PLPP3: variants seen among roughly 807,000 people sequenced by gnomAD.
PLPP3 encodes the protein phospholipid phosphatase 3.
In PLPP3, 6 loss-of-function variants were observed where a neutral mutation model predicts 29.6. The ratio of observed to expected loss-of-function variants is 0.20; its 90% confidence interval spans 0.11 to 0.40. The LOEUF is 0.40. Ranked by LOEUF, PLPP3 falls within the 10% of genes least tolerant of loss-of-function variation. The pLI is 1.00. For synonymous variants in PLPP3, 152 were observed against 159.7 expected, an observed-to-expected ratio of 0.95 and a Z score of 0.36; for missense variants, 308 against 407.7, an observed-to-expected ratio of 0.76 and a Z score of 2.11.
At chr1:56,532,034 TGA>T (rs1363409970) in intron 2 of PLPP3, among the ~76,000 whole-genome samples, 1 of 152,190 alleles carries the variant, frequency 6.6e-6, no homozygotes, top group Non-Finnish European at 1.5e-5. Flanking sequence ...CAAATAGTCA[TGA>T]ATCCCTAAGA....
At chr1:56,578,815 G>C in intron 1 of PLPP3, 63 bp downstream of exon 1, 2 of 1,459,868 alleles carry the variant, frequency 1.4e-6, no homozygotes, top group Non-Finnish European at 9.0e-7. Flanking sequence ...CCCCGGACTG[G>C]GCTGGGACGC....
intron 1 of PLPP3, among the ~76,000 whole-genome samples, chr1:56,554,452 A>G (rs531652499): frequency 1.5e-3 from 231 of 151,974 alleles, no homozygotes; most frequent in Middle Eastern, 3.4e-3. Context: ...GGCACCTGTA[A>G]TCCCAGCTAC....
At position 56,555,639 on chromosome 1, in the gene PLPP3, T is replaced by C. The variant is rs146856120; in HGVS notation, c.140-18527A>G. On this transcript the variant is annotated intron_variant, in intron 1 of 5. Transcript: ENST00000371250. ...CTGTGTCCCTGAATGGAACAATTTG[T>C]GAAACATGCTTAACAAGGGCCATCA... Among the ~76,000 whole-genome samples, 431 of 152,134 alleles carry C rather than the reference T, an allele frequency of 2.8e-3. 3 individuals are homozygous for C. The highest frequency in any genetic ancestry group is 1.0e-2 in the African/African-American group (414 of 41,520).
At chr1:56,566,890 G>A (rs868468646) in intron 1 of PLPP3, among the ~76,000 whole-genome samples, 1 of 152,096 alleles carries the variant, frequency 6.6e-6, no homozygotes, top group African/African-American at 2.4e-5. Flanking sequence ...GGTAATTTTA[G>A]TTCCTAAGAT....
At chr1:56,505,324 C>T (rs1462092307) in intron 5 of PLPP3, among the ~76,000 whole-genome samples, 4 of 152,248 alleles carry the variant, frequency 2.6e-5, no homozygotes, top group Non-Finnish European at 5.9e-5. Context: ...GGTGAAGTGA[C>T]TTGCCCTGAC....
chr1:56,561,091 C>A (rs1369915648), intron 1 of PLPP3, among the ~76,000 whole-genome samples: 1 of 151,664 alleles, frequency 6.6e-6, no homozygotes, highest in East Asian at 1.9e-4. Flanking sequence ...TTGTGATCCG[C>A]CCGCCTCAGC....
At chr1:56,572,433 C>T (rs946300479) in intron 1 of PLPP3, among the ~76,000 whole-genome samples, 1 of 152,134 alleles carries the variant, frequency 6.6e-6, no homozygotes, top group Non-Finnish European at 1.5e-5. Context: ...AAACAGACCA[C>T]GTGTCTAAAT....
chr1:56,572,768 T>C (rs1646208194), intron 1 of PLPP3, among the ~76,000 whole-genome samples: 1 of 152,206 alleles, frequency 6.6e-6, no homozygotes, highest in Admixed American at 6.5e-5. Context: ...TTCGACTCTA[T>C]GAAGAACAAC....
At chr1:56,512,332 C>T in intron 4 of PLPP3, 180 bp from the exon 5 acceptor site, 1 of 588,564 alleles carries the variant, frequency 1.7e-6, no homozygotes, top group East Asian at 3.4e-5. Context: ...CTGAGCCTGG[C>T]TAGGCACGGT....
intron 2 of PLPP3, among the ~76,000 whole-genome samples, chr1:56,528,121 C>T (rs935925894): frequency 9.2e-5 from 14 of 152,172 alleles, no homozygotes; most frequent in Non-Finnish European, 1.5e-5. Flanking sequence ...GCAACAGATT[C>T]TGGGGGTGAT....
At chr1:56,522,822 G>C (rs752072700) in intron 4 of PLPP3, among the ~76,000 whole-genome samples, 7 of 152,176 alleles carry the variant, frequency 4.6e-5, no homozygotes, top group African/African-American at 7.2e-5. Context: ...TTCTCGCTCT[G>C]AATTCTATCA....
At chr1:56,520,077 CATTGTG>C (rs1424065452) in intron 4 of PLPP3, among the ~76,000 whole-genome samples, 1 of 152,056 alleles carries the variant, frequency 6.6e-6, no homozygotes, top group Non-Finnish European at 1.5e-5. Flanking sequence ...CAAATAGAGC[CATTGTG>C]ATTGAGAGAT....
chr1:56,496,698 C>G (rs1026263580), intron 5 of PLPP3, 22 bp from the exon 6 acceptor site: 1 of 1,611,504 alleles, frequency 6.2e-7, no homozygotes, highest in Non-Finnish European at 8.5e-7. Context: ...AATCAGAGAT[C>G]GAAGTCAGTA....
At chr1:56,570,120 A>T (rs986769252) in intron 1 of PLPP3, among the ~76,000 whole-genome samples, 13 of 152,232 alleles carry the variant, frequency 8.5e-5, no homozygotes, top group African/African-American at 2.7e-4. Context: ...CTCAAGAATC[A>T]TCTGCAGAAG....
intron 1 of PLPP3, among the ~76,000 whole-genome samples, chr1:56,560,705 T>C (rs1165273305): frequency 1.3e-5 from 2 of 152,142 alleles, no homozygotes; most frequent in African/African-American, 4.8e-5. Flanking sequence ...GGATATGAAT[T>C]TTGGCAGAAC....
chr1:56,538,967 A>AAAAAAAAAAAAAAAAAAC (rs1645949801), intron 1 of PLPP3: 1 of 151,374 alleles, frequency 6.6e-6, no homozygotes, highest in Non-Finnish European at 1.5e-5. Context: ...TGCAAAAAAA[A>AAAAAAAAAAAAAAAAAAC]AAAACACAGT....
At chr1:56,566,364 A>C (rs886840487) in intron 1 of PLPP3, among the ~76,000 whole-genome samples, 5 of 152,146 alleles carry the variant, frequency 3.3e-5, no homozygotes, top group African/African-American at 1.2e-4. Context: ...AAACTCACTC[A>C]CTGCACCACC....
intron 2 of PLPP3, among the ~76,000 whole-genome samples, chr1:56,534,615 G>C (rs942344390): frequency 6.6e-6 from 1 of 152,162 alleles, no homozygotes; most frequent in African/African-American, 2.4e-5. Flanking sequence ...TCAGAACCGG[G>C]TTCTGGATGG....
chr1:56,544,852 C>T (rs1433019047), intron 1 of PLPP3, among the ~76,000 whole-genome samples: 1 of 152,172 alleles, frequency 6.6e-6, no homozygotes, highest in Non-Finnish European at 1.5e-5. Flanking sequence ...CCATACAGAT[C>T]CAGCCACTCT....
Sources: allele counts gnomAD v4.1 joint callset (sites outside exome capture counted in the v4.1 genomes callset), GRCh38; gene constraint gnomAD v4.1.1; transcripts MANE v1.5; gene names NCBI Gene and HGNC (gene_info 2026-07-23, HGNC 2026-07-21).